The following CSNK1G2 variants were observed in gnomAD, a reference collection of about 807,000 sequenced individuals.
CSNK1G2 encodes casein kinase I isoform gamma-2.
Under a neutral mutation model 48.0 loss-of-function variants are expected in CSNK1G2, and 11 were observed. That is an observed-to-expected ratio of 0.23 (90% CI 0.14 to 0.38). CSNK1G2 has a LOEUF of 0.38. Ranked by LOEUF, CSNK1G2 falls within the 10% of genes least tolerant of loss-of-function variation. CSNK1G2 has a pLI of 1.00. For missense variants in CSNK1G2, 446 were observed against 595.5 expected, an observed-to-expected ratio of 0.75 and a Z score of 2.61; for synonymous variants, 337 against 254.1, an observed-to-expected ratio of 1.33 and a Z score of -3.10.
Position 1,978,979 on chromosome 19 carries a change from G to T in CSNK1G2, c.568G>T (p.Gly190Trp). Residue 190 changes from glycine (G) to tryptophan (W), a missense_variant, in exon 6 of 12, where the codon GGG (glycine) becomes TGG (tryptophan). Gly to Trp is a radical substitution (Grantham distance 184). Transcript: ENST00000255641. This position sits in a 1 kb window ranked among gnomAD's most constrained non-coding sequence, Gnocchi z 7.3. ...RQHAIHIIDF[G>W]LAKEYIDPET... ...GCATGCCATCCACATCATCGACTTC[G>T]GGCTGGCCAAGGAGTACATCGACCC... is the stretch of plus-strand genomic sequence containing the variant. The T allele has an allele frequency of 6.3e-7, 1 of 1,599,840 alleles. No homozygotes were observed. Among genetic ancestry groups the T allele is most frequent in the Non-Finnish European group, 8.5e-7 (1 of 1,179,668 alleles).
chr19:1,962,808 G>A lies in CSNK1G2; in HGVS notation c.-265-6700G>A, dbSNP rs565134177. ...TCAAAGATGCACAGATCTCCCATCC[G>A]ACCCAGCACGACCACTCCCAGCTAT... On this transcript the variant is annotated intron_variant, in intron 1 of 11. Transcript: ENST00000255641. 5.3e-5 allele frequency among the ~76,000 whole-genome samples: 8 copies of A among 152,030 alleles called. No individual in the cohort carries two copies. The South Asian group carries it at 1.2e-3, about 24-fold the overall frequency.
At chr19:1,954,799 T>C (rs1185031433) in intron 1 of CSNK1G2, 1 of 152,206 alleles carries the variant, frequency 6.6e-6, no homozygotes, top group Non-Finnish European at 1.5e-5. Context: ...TGCAATCCCC[T>C]CGTTGGCGCC....
intron 1 of CSNK1G2, among the ~76,000 whole-genome samples, chr19:1,965,102 C>T (rs1196089858): frequency 3.3e-5 from 5 of 150,416 alleles, no homozygotes; most frequent in South Asian, 2.1e-4. Context: ...GAGACGTACA[C>T]GATCAGTTTC....
intron 2 of CSNK1G2, chr19:1,975,544 G>A (rs969509724): frequency 1.1e-4 from 107 of 985,360 alleles, no homozygotes; most frequent in African/African-American, 2.8e-4. Flanking sequence ...GCGGGCACAC[G>A]CAGCACGACA....
At chr19:1,966,826 C>G (rs746142829) in intron 1 of CSNK1G2, among the ~76,000 whole-genome samples, 3 of 152,170 alleles carry the variant, frequency 2.0e-5, no homozygotes, top group African/African-American at 7.2e-5. Context: ...GGGCCACTCC[C>G]GGTTCCCATG....
At chr19:1,959,348 G>A (rs1444871371) in intron 1 of CSNK1G2, 1 of 152,486 alleles carries the variant, frequency 6.6e-6, no homozygotes, top group Non-Finnish European at 1.5e-5. Flanking sequence ...TGGAGCTCTG[G>A]GGCTCACAGA....
chr19:1,966,247 G>A (rs1466725998), intron 1 of CSNK1G2, among the ~76,000 whole-genome samples: 2 of 152,200 alleles, frequency 1.3e-5, no homozygotes, highest in Non-Finnish European at 2.9e-5. Context: ...AAGGACACGC[G>A]TGATCCATGG....
At chr19:1,959,953 G>A (rs1010371577) in intron 1 of CSNK1G2, among the ~76,000 whole-genome samples, 1 of 151,956 alleles carries the variant, frequency 6.6e-6, no homozygotes, top group Non-Finnish European at 1.5e-5. Flanking sequence ...CCACAACCCC[G>A]TTTGGGTTCA....
At chr19:1,979,727 C>T in intron 9 of CSNK1G2, 25 bp from the exon 10 acceptor site, 1 of 1,604,174 alleles carries the variant, frequency 6.2e-7, no homozygotes, top group Non-Finnish European at 8.5e-7. Context: ...GCAGCCCATC[C>T]TGACCCCTGC....
chr19:1,959,254 C>G (rs2015109948), intron 1 of CSNK1G2: 1 of 152,140 alleles, frequency 6.6e-6, no homozygotes, highest in Non-Finnish European at 1.5e-5. Flanking sequence ...TTGGTGGCCT[C>G]CAGTCTCTTG....
At chr19:1,951,319 C>T (rs1454144451) in intron 1 of CSNK1G2, among the ~76,000 whole-genome samples, 2 of 144,648 alleles carry the variant, frequency 1.4e-5, no homozygotes, top group Non-Finnish European at 3.0e-5. Context: ...AGGAGAATGG[C>T]GTGAACCCGG....
intron 2 of CSNK1G2, among the ~76,000 whole-genome samples, chr19:1,970,792 C>T (rs1035190513): frequency 2.6e-5 from 4 of 152,200 alleles, no homozygotes; most frequent in African/African-American, 7.2e-5. Context: ...CAGTGTCTGT[C>T]GTGGTGGGAA....
intron 1 of CSNK1G2, among the ~76,000 whole-genome samples, chr19:1,952,259 A>G (rs1199410777): frequency 6.6e-6 from 1 of 151,940 alleles, no homozygotes; most frequent in Non-Finnish European, 1.5e-5. Flanking sequence ...AGCGTGTGTC[A>G]TCTGCGGCCT....
At chr19:1,946,978 T>G (rs866892007) in intron 1 of CSNK1G2, among the ~76,000 whole-genome samples, 9 of 152,222 alleles carry the variant, frequency 5.9e-5, no homozygotes, top group Middle Eastern at 3.4e-3. Flanking sequence ...GGTCTTGAAC[T>G]CCTGACCTCA....
At chr19:1,976,176 A>C in intron 2 of CSNK1G2, 6 of 1,112,922 alleles carry the variant, frequency 5.4e-6, no homozygotes, top group Non-Finnish European at 7.2e-6. Context: ...CTGTTGTTTT[A>C]CGAGGAGAAT....
At chr19:1,975,534 G>A in intron 2 of CSNK1G2, 1 of 985,474 alleles carries the variant, frequency 1.0e-6, no homozygotes, top group Non-Finnish European at 1.2e-6. Context: ...ACAGCACCAG[G>A]CGGGCACACG....
At chr19:1,980,101 C>T in intron 11 of CSNK1G2, 48 bp from the exon 12 acceptor site, 5 of 1,609,890 alleles carry the variant, frequency 3.1e-6, no homozygotes, top group Non-Finnish European at 2.5e-6. Context: ...CCTGGGCTGC[C>T]CCCGCCCTGC....
intron 1 of CSNK1G2, chr19:1,953,306 C>T: frequency 2.0e-6 from 1 of 508,336 alleles, no homozygotes; most frequent in Non-Finnish European, 4.0e-6. Context: ...GAGCAGGAAG[C>T]AGAGCTGAGG....
intron 1 of CSNK1G2, among the ~76,000 whole-genome samples, chr19:1,959,510 C>T (rs2015118385): frequency 6.6e-6 from 1 of 151,398 alleles, no homozygotes. Context: ...AGCACCCGCC[C>T]CACCTTTAGT....
Sources: gnomAD v4.1 joint callset for allele counts (sites outside exome capture counted in the v4.1 genomes callset) on GRCh38, gnomAD v4.1.1 for gene constraint, Gnocchi (gnomAD v3.1) non-coding constraint, MANE v1.5 for transcripts, NCBI Gene and HGNC (gene_info 2026-07-23, HGNC 2026-07-21) for gene names.